RNF111: variants seen among roughly 807,000 people sequenced by gnomAD.
RNF111 encodes E3 ubiquitin-protein ligase Arkadia.
Under a neutral mutation model 95.1 loss-of-function variants are expected in RNF111, and 17 were observed. The observed-to-expected ratio is 0.18, with a 90% CI of 0.12 to 0.27. The LOEUF (loss-of-function observed/expected upper bound fraction) is 0.27, where lower values mean the gene tolerates loss of function less well. Among genes scored for constraint, RNF111 ranks in the 10% least tolerant of loss-of-function variants. RNF111 has a pLI of 1.00. For missense variants in RNF111, 1,189 were observed against 1,210.4 expected, an observed-to-expected ratio of 0.98 and a Z score of 0.26; for synonymous variants, 440 against 414.8, an observed-to-expected ratio of 1.06 and a Z score of -0.74.
intron 1 of RNF111, among the ~76,000 whole-genome samples, chr15:59,010,104 T>A (rs577109155): frequency 1.3e-5 from 2 of 152,330 alleles, no homozygotes; most frequent in Non-Finnish European, 2.9e-5. Context: ...TCACATGAAA[T>A]CATGGCTAAA....
chr15:59,009,614 A>G (rs573255937), intron 1 of RNF111, among the ~76,000 whole-genome samples: 1 of 152,018 alleles, frequency 6.6e-6, no homozygotes, highest in Non-Finnish European at 1.5e-5. Context: ...AACTTGGAGC[A>G]TTTGTGAGTG....
chr15:59,040,362 C>G (rs1315053743), intron 2 of RNF111, among the ~76,000 whole-genome samples: 2 of 152,062 alleles, frequency 1.3e-5, no homozygotes, highest in African/African-American at 4.8e-5. Context: ...TTCCTGGCCT[C>G]AACTTATCCT....
At chr15:59,032,889 ACTCT>A (rs141592141) in intron 2 of RNF111, among the ~76,000 whole-genome samples, 12 of 149,218 alleles carry the variant, frequency 8.0e-5, no homozygotes, top group African/African-American at 2.2e-4. Flanking sequence ...ATGCGTGCTG[ACTCT>A]CTCTCTCTCT....
chr15:59,061,333 AAT>A (rs1421123096), intron 5 of RNF111, among the ~76,000 whole-genome samples: 2 of 152,034 alleles, frequency 1.3e-5, no homozygotes, highest in Admixed American at 1.3e-4. Flanking sequence ...TACCTTTTTG[AAT>A]ATTTCCAACC....
At chr15:59,047,449 C>T (rs1349642798) in intron 2 of RNF111, among the ~76,000 whole-genome samples, 2 of 152,188 alleles carry the variant, frequency 1.3e-5, no homozygotes, top group African/African-American at 4.8e-5. Context: ...GAGCTATTAT[C>T]GTGCCATTGT....
intron 2 of RNF111, among the ~76,000 whole-genome samples, chr15:59,048,893 C>G (rs1002032268): frequency 7.2e-5 from 11 of 151,958 alleles, no homozygotes; most frequent in African/African-American, 2.7e-4. Context: ...GAGTTCGAGA[C>G]CAGCCTGGGC....
chr15:59,027,926 A>G (rs1255632122), intron 1 of RNF111, among the ~76,000 whole-genome samples: 1 of 149,816 alleles, frequency 6.7e-6, no homozygotes, highest in Non-Finnish European at 1.5e-5. Flanking sequence ...CCCTGGTTCA[A>G]GCAATTCTCC....
chr15:59,086,401 G>C (rs755943393), intron 10 of RNF111, among the ~76,000 whole-genome samples: 1 of 152,220 alleles, frequency 6.6e-6, no homozygotes, highest in Non-Finnish European at 1.5e-5. Context: ...TTACAGGCTT[G>C]AGCCAGGGCA....
intron 1 of RNF111, among the ~76,000 whole-genome samples, chr15:59,026,097 T>C (rs1293875853): frequency 6.6e-6 from 1 of 152,108 alleles, no homozygotes; most frequent in Non-Finnish European, 1.5e-5. Context: ...CATTTTTATT[T>C]AAAGTTGAAA....
chr15:59,026,755 C>G (rs1440669399), intron 1 of RNF111, among the ~76,000 whole-genome samples: 1 of 151,828 alleles, frequency 6.6e-6, no homozygotes, highest in African/African-American at 2.4e-5. Flanking sequence ...TACAATACAG[C>G]GATGGATTTT....
chr15:59,053,165 T>G (rs544311951), intron 3 of RNF111, among the ~76,000 whole-genome samples: 8 of 152,332 alleles, frequency 5.3e-5, no homozygotes, highest in African/African-American at 1.7e-4. Flanking sequence ...CACTCAGTAA[T>G]TTTATCGGTG....
chr15:59,032,882 C>T lies in RNF111; in HGVS notation c.880+1180C>T, dbSNP rs145586691. ...TTGAGCCTGTGTGCTCTTGCTCATG[C>T]GTGCTGACTCTCTCTCTCTCTCTCA... is the stretch of plus-strand genomic sequence containing the variant. On this transcript the variant is annotated intron_variant, in intron 2 of 13. Transcript: ENST00000348370. Among the ~76,000 whole-genome samples the T allele has an allele frequency of 7.2e-5, 11 of 152,200 alleles. No individual in the cohort carries two copies. The Middle Eastern group carries it at 0.02, about 282-fold the overall frequency.
intron 8 of RNF111, among the ~76,000 whole-genome samples, chr15:59,081,952 G>A (rs1339455347): frequency 1.3e-5 from 2 of 152,136 alleles, no homozygotes; most frequent in Admixed American, 6.5e-5. Context: ...CTGAGCCCAG[G>A]GGGTCAAGGC....
chr15:59,092,034 A>G (rs2079068565), intron 12 of RNF111, among the ~76,000 whole-genome samples: 1 of 152,180 alleles, frequency 6.6e-6, no homozygotes, highest in African/African-American at 2.4e-5. Context: ...AGACTCCTTT[A>G]TACTATGTAA....
At chr15:59,080,348 T>C (rs2078703721) in intron 7 of RNF111, among the ~76,000 whole-genome samples, 1 of 152,142 alleles carries the variant, frequency 6.6e-6, no homozygotes, top group South Asian at 2.1e-4. Context: ...CTCGAACTCC[T>C]GGCTTCAGGT....
intron 6 of RNF111, among the ~76,000 whole-genome samples, chr15:59,067,363 C>T (rs1225565257): frequency 2.0e-5 from 3 of 151,538 alleles, no homozygotes; most frequent in Non-Finnish European, 4.4e-5. Context: ...TTCCCTTCCC[C>T]TTCCCCTTCT....
intron 4 of RNF111, among the ~76,000 whole-genome samples, chr15:59,058,024 G>A (rs1322994559): frequency 6.6e-6 from 1 of 152,196 alleles, no homozygotes; most frequent in Non-Finnish European, 1.5e-5. Flanking sequence ...TACGTGCATA[G>A]TAAGGAACTT....
chr15:59,070,156 T>G (rs1202571260), intron 6 of RNF111, among the ~76,000 whole-genome samples: 1 of 149,586 alleles, frequency 6.7e-6, no homozygotes, highest in Admixed American at 6.7e-5. Flanking sequence ...ACTACAGGCA[T>G]GTACCACTGT....
chr15:59,073,148 A>G (rs1006464587), intron 6 of RNF111, among the ~76,000 whole-genome samples: 1 of 152,022 alleles, frequency 6.6e-6, no homozygotes, highest in Non-Finnish European at 1.5e-5. Flanking sequence ...ACTCCACTGT[A>G]GGCAACACAG....
Sources: allele counts gnomAD v4.1 joint callset (sites outside exome capture counted in the v4.1 genomes callset), GRCh38; gene constraint gnomAD v4.1.1; transcripts MANE v1.5; gene names NCBI Gene and HGNC (gene_info 2026-07-23, HGNC 2026-07-21).